Variants in KAT6B observed in about 807,000 individuals in gnomAD.
KAT6B encodes the protein histone acetyltransferase KAT6B.
Under a neutral mutation model 187.5 loss-of-function variants are expected in KAT6B, and 10 were observed. The observed-to-expected ratio is 0.05, with a 90% confidence interval of 0.03 to 0.09. KAT6B has a LOEUF of 0.09. Among genes scored for constraint, KAT6B ranks in the 10% least tolerant of loss-of-function variants. The probability of loss-of-function intolerance (pLI) is 1.00; values close to 1 mark genes in which losing one functional copy is unlikely to be tolerated. For missense variants in KAT6B, 1,952 were observed against 2,558.9 expected, an observed-to-expected ratio of 0.76 and a Z score of 5.12; for synonymous variants, 861 against 926.8, an observed-to-expected ratio of 0.93 and a Z score of 1.29.
intron 13 of KAT6B, among the ~76,000 whole-genome samples, chr10:74,997,430 A>G (rs535759999): frequency 6.6e-6 from 1 of 152,286 alleles, no homozygotes; most frequent in South Asian, 2.1e-4. Context: ...CCTCACGGCA[A>G]CAGTTGAGAT....
At chr10:74,866,700 TTGTC>T (rs1283195575) in intron 3 of KAT6B, among the ~76,000 whole-genome samples, 1 of 142,044 alleles carries the variant, frequency 7.0e-6, no homozygotes, top group Non-Finnish European at 1.5e-5. Flanking sequence ...CTGGATATTG[TTGTC>T]TGCCAAGGCT....
intron 2 of KAT6B, among the ~76,000 whole-genome samples, chr10:74,839,376 G>T (rs914795551): frequency 6.6e-6 from 1 of 151,540 alleles, no homozygotes; most frequent in African/African-American, 2.4e-5. Context: ...GATTACAGGC[G>T]CATGCCACCA....
chr10:74,887,908 T>C (rs138065746), intron 3 of KAT6B, among the ~76,000 whole-genome samples: 78 of 152,044 alleles, frequency 5.1e-4, no homozygotes, highest in Non-Finnish European at 9.3e-4. Context: ...CTGAGGCACT[T>C]TGGGGAGATT....
rs112861640 is a variant in KAT6B, at chr10:74,901,341, T to C, written c.621+57863T>C. 3.5e-3 allele frequency among the ~76,000 whole-genome samples: 535 copies of C among 152,364 alleles called. 8 individuals are homozygous for C. Among genetic ancestry groups the C allele is most frequent in the African/African-American group, 0.012 (518 of 41,588 alleles). ...TTTATAAAGAAATATTGACGTTCTG[T>C]AAAGTATGTAGTGACCTCACTTCTG... On this transcript the variant is annotated intron_variant, in intron 3 of 17. Transcript: ENST00000287239.
intron 3 of KAT6B, among the ~76,000 whole-genome samples, chr10:74,872,023 A>G: frequency 6.6e-6 from 1 of 152,238 alleles, no homozygotes; most frequent in Non-Finnish European, 1.5e-5. Context: ...AGGCTCCTGG[A>G]TAGGTGTGAG....
chr10:74,841,074 G>A (rs1432121695), intron 2 of KAT6B, among the ~76,000 whole-genome samples: 1 of 152,216 alleles, frequency 6.6e-6, no homozygotes, highest in Non-Finnish European at 1.5e-5. Flanking sequence ...TAGATAATGT[G>A]TTTATTTAAT....
rs11594650 is a variant in KAT6B, at chr10:74,897,666, G to A, written c.621+54188G>A. On this transcript the variant is annotated intron_variant, in intron 3 of 17. Coordinates refer to ENST00000287239, the MANE Select transcript of KAT6B (RefSeq NM_012330.4). The stretch of plus-strand genomic sequence containing the variant: ...AGCATCTATTCTGTGTCTTAGCAGT[G>A]AACTTCATCCAATAGATACTTGATT... 2.1e-3 allele frequency among the ~76,000 whole-genome samples: 313 copies of A among 152,314 alleles called. 1 individual carries two copies. Among genetic ancestry groups the A allele is most frequent in the Middle Eastern group, 0.014 (4 of 294 alleles).
intron 3 of KAT6B, among the ~76,000 whole-genome samples, chr10:74,847,601 T>C (rs573837917): frequency 6.6e-5 from 10 of 152,006 alleles, no homozygotes; most frequent in African/African-American, 2.4e-4. Flanking sequence ...GAGGCAGAGA[T>C]TGCAGTGAGC....
rs556920427 is a variant in KAT6B at position 74,835,762 on chromosome 10, G to A, written c.-328-2921G>A. Among the ~76,000 whole-genome samples the A allele has an allele frequency of 2.6e-5, 4 of 151,796 alleles. No homozygotes were observed. In the South Asian group the frequency reaches 6.2e-4, roughly 24 times the overall value. On this transcript the variant is annotated intron_variant, in intron 1 of 17. Transcript: ENST00000287239. ...CCACAGTAGGTGTCAGGAAATGGTT[G>A]GTATTATTATTATTATTATAGTTTA...
In KAT6B at chr10:75,032,565, G is replaced by A. The variant is rs888146716; in HGVS notation, c.*1519G>A. ...CTTTTCATGAAAGTTTATTTTATGC[G>A]AGTGCATACCTTCTGTATGCCAATC... On this transcript the variant is annotated 3_prime_UTR_variant, in exon 18 of 18. Transcript: ENST00000287239. 87 of 177,052 alleles carry A rather than the reference G, an allele frequency of 4.9e-4. No homozygotes were observed. The highest frequency in any genetic ancestry group is 4.4e-3 in the Admixed American group (69 of 15,786). 11.0% of individuals were successfully genotyped at this position (177,052 alleles called of 1,614,324 possible).
intron 4 of KAT6B, among the ~76,000 whole-genome samples, chr10:74,967,516 A>G (rs1841564080): frequency 6.6e-6 from 1 of 152,228 alleles, no homozygotes; most frequent in Admixed American, 6.5e-5. Context: ...TGAGAAAATA[A>G]AATGGAAATA....
intron 3 of KAT6B, among the ~76,000 whole-genome samples, chr10:74,888,880 A>G (rs563720719): frequency 6.6e-6 from 1 of 152,352 alleles, no homozygotes; most frequent in African/African-American, 2.4e-5. Context: ...GCTCTCTCAG[A>G]TACGTTTTTA....
In KAT6B at chr10:74,997,073, GGCAGAGGATCA is replaced by G. The variant is rs1397987469; in HGVS notation, c.2629+7964_2629+7974del. ...AAACAAAAACCCTAATAGAGAAATG[GGCAGAGGATCA>G]GCTATGGTGGCTCATACCTGTAATC... On this transcript the variant is annotated intron_variant, in intron 13 of 17. Coordinates refer to ENST00000287239, the MANE Select transcript of KAT6B (RefSeq NM_012330.4). Among the ~76,000 whole-genome samples the G allele has an allele frequency of 4.0e-5, 6 of 151,540 alleles. No individual in the cohort carries two copies. In the East Asian group the frequency reaches 1.2e-3, roughly 30 times the overall value.
chr10:74,924,974 G>A (rs1191651639), intron 3 of KAT6B, among the ~76,000 whole-genome samples: 1 of 152,044 alleles, frequency 6.6e-6, no homozygotes, highest in Non-Finnish European at 1.5e-5. Flanking sequence ...TTAAAGGTCT[G>A]ATACTAGAAT....
Position 74,843,462 on chromosome 10 carries a change from C to G in KAT6B, c.605C>G (p.Pro202Arg). The G allele has an allele frequency of 6.2e-7, 1 of 1,613,674 alleles. No individual in the cohort carries two copies. Among genetic ancestry groups the G allele is most frequent in the Non-Finnish European group, 8.5e-7 (1 of 1,180,016 alleles). Reference protein sequence around the residue: ...PSSLPPVSLLPHEKDQPRADP... With the variant: ...PSSLPPVSLLRHEKDQPRADP... The stretch of plus-strand genomic sequence containing the variant: ...TCGCTCCCACCTGTCAGCCTTCTAC[C>G]CCATGAGAAAGACCAGGTAAGCGAA... Residue 202 changes from proline (P) to arginine (R), a missense_variant, in exon 3 of 18, where the codon CCC becomes CGC. Around this residue, in one of 9 missense-constraint regions of KAT6B, gnomAD observed 218 missense variants for 282.6 expected, o/e 0.77. Transcript: ENST00000287239.
chr10:74,885,689 ATTTTG>A (rs1198745283), intron 3 of KAT6B, among the ~76,000 whole-genome samples: 2 of 151,670 alleles, frequency 1.3e-5, no homozygotes. Flanking sequence ...GAGGCTGCCT[ATTTTG>A]AGTCCTGCTG....
At chr10:74,987,489 G>A (rs1301822383) in intron 12 of KAT6B, among the ~76,000 whole-genome samples, 1 of 152,176 alleles carries the variant, frequency 6.6e-6, no homozygotes, top group Non-Finnish European at 1.5e-5. Flanking sequence ...GGAATCTAGA[G>A]GACTCTGGCC....
chr10:75,004,578 A>T (rs1394654019), intron 13 of KAT6B, among the ~76,000 whole-genome samples: 6 of 152,220 alleles, frequency 3.9e-5, no homozygotes, highest in Non-Finnish European at 8.8e-5. Flanking sequence ...AGAGGGTCAG[A>T]CACAAAATTC....
At chr10:74,866,606 A>AT (rs1178824580) in intron 3 of KAT6B, among the ~76,000 whole-genome samples, 3 of 152,194 alleles carry the variant, frequency 2.0e-5, no homozygotes, top group African/African-American at 7.2e-5. Context: ...AAAGGAGTCT[A>AT]TATCATTATT....
Sources: gnomAD v4.1 joint callset for allele counts (sites outside exome capture counted in the v4.1 genomes callset) on GRCh38, gnomAD v4.1.1 for gene constraint, gnomAD v4.1.1 regional missense constraint, MANE v1.5 for transcripts, NCBI Gene and HGNC (gene_info 2026-07-23, HGNC 2026-07-21) for gene names.